Variants in LRMDA observed in about 807,000 individuals in gnomAD.
LRMDA encodes the protein leucine-rich melanocyte differentiation-associated protein.
In LRMDA, 18 loss-of-function variants were observed where a neutral mutation model predicts 29.8. That is an observed-to-expected ratio of 0.60 (90% CI 0.42 to 0.90). The LOEUF is 0.90. LRMDA is among the 40% of genes least tolerant of loss of function. The probability of loss-of-function intolerance (pLI) is 0.00; values close to 1 mark genes in which losing one functional copy is unlikely to be tolerated. For missense variants in LRMDA, 273 were observed against 273.9 expected (o/e 1.00, Z 0.02); for synonymous variants, 125 against 109.4 (o/e 1.14, Z -0.89).
chr10:75,434,994 C>A (rs1844248180), intron 1 of LRMDA, among the ~76,000 whole-genome samples: 1 of 152,202 alleles, frequency 6.6e-6, no homozygotes, highest in African/African-American at 2.4e-5. Context: ...CTCTCCTTTC[C>A]CTTTCTAGTT....
chr10:75,998,393 G>A (rs1320405212), intron 2 of LRMDA, among the ~76,000 whole-genome samples: 1 of 152,064 alleles, frequency 6.6e-6, no homozygotes, highest in Non-Finnish European at 1.5e-5. Flanking sequence ...TGGCCTCTGG[G>A]TACCTCTATC....
At chr10:76,371,177 T>A (rs1368014955) in intron 6 of LRMDA, among the ~76,000 whole-genome samples, 2 of 152,178 alleles carry the variant, frequency 1.3e-5, no homozygotes, top group Non-Finnish European at 2.9e-5. Flanking sequence ...TCCTTAGTTT[T>A]TTCCTTTGTC....
chr10:76,093,121 T>G (rs1849257009), intron 5 of LRMDA, among the ~76,000 whole-genome samples: 1 of 152,128 alleles, frequency 6.6e-6, no homozygotes, highest in Non-Finnish European at 1.5e-5. Flanking sequence ...CACTGCAACC[T>G]CTGCCTCCCA....
At chr10:76,168,166 C>A (rs1850774434) in intron 5 of LRMDA, among the ~76,000 whole-genome samples, 2 of 152,180 alleles carry the variant, frequency 1.3e-5, no homozygotes, top group African/African-American at 4.8e-5. Context: ...TGTCTCTCTC[C>A]TCTTCCATAG....
At chr10:75,583,077 A>C (rs996061200) in intron 2 of LRMDA, among the ~76,000 whole-genome samples, 1 of 152,242 alleles carries the variant, frequency 6.6e-6, no homozygotes, top group Non-Finnish European at 1.5e-5. Flanking sequence ...ACAACAATTT[A>C]ACAAGTCTTT....
intron 2 of LRMDA, among the ~76,000 whole-genome samples, chr10:75,673,876 T>C (rs548006821): frequency 6.6e-6 from 1 of 152,358 alleles, no homozygotes; most frequent in Non-Finnish European, 1.5e-5. Flanking sequence ...TTGTATTGTG[T>C]TCCCATTTAT....
chr10:75,843,292 C>T (rs1381416657), intron 2 of LRMDA, among the ~76,000 whole-genome samples: 1 of 152,190 alleles, frequency 6.6e-6, no homozygotes, highest in Non-Finnish European at 1.5e-5. Flanking sequence ...ATACGGTTTC[C>T]TGAAATGAGG....
At chr10:76,091,674 C>T (rs1395910036) in intron 5 of LRMDA, among the ~76,000 whole-genome samples, 1 of 151,972 alleles carries the variant, frequency 6.6e-6, no homozygotes, top group Non-Finnish European at 1.5e-5. Context: ...CCACCAACTC[C>T]CTTCATCCCC....
intron 6 of LRMDA, among the ~76,000 whole-genome samples, chr10:76,345,213 C>T (rs1396049804): frequency 1.3e-5 from 2 of 149,746 alleles, no homozygotes; most frequent in African/African-American, 4.9e-5. Context: ...ACTACAGGCG[C>T]CCGCTACCAC....
At chr10:75,880,787 C>A (rs571739291) in intron 2 of LRMDA, among the ~76,000 whole-genome samples, 1 of 152,320 alleles carries the variant, frequency 6.6e-6, no homozygotes, top group East Asian at 1.9e-4. Context: ...GTTCTTCCTG[C>A]AAGCCAAGAG....
intron 2 of LRMDA, among the ~76,000 whole-genome samples, chr10:76,008,031 G>A (rs1022661467): frequency 1.3e-5 from 2 of 152,118 alleles, no homozygotes; most frequent in African/African-American, 4.8e-5. Context: ...TCAATTTTAA[G>A]CAAGTGGCAG....
chr10:75,640,893 C>A (rs932994732), intron 2 of LRMDA, among the ~76,000 whole-genome samples: 5 of 152,306 alleles, frequency 3.3e-5, no homozygotes, highest in Admixed American at 3.3e-4. Context: ...GGGGCCTGGG[C>A]CACTTGCATT....
At chr10:75,978,039 C>T (rs1266926379) in intron 2 of LRMDA, among the ~76,000 whole-genome samples, 1 of 152,108 alleles carries the variant, frequency 6.6e-6, no homozygotes, top group African/African-American at 2.4e-5. Flanking sequence ...GCTGATTGTC[C>T]CAGGGCTATT....
chr10:75,740,505 C>G (rs745422044), intron 2 of LRMDA, among the ~76,000 whole-genome samples: 22 of 152,244 alleles, frequency 1.4e-4, no homozygotes, highest in Non-Finnish European at 2.9e-4. Context: ...TACCCAGGGC[C>G]CCTCTGTGAC....
intron 2 of LRMDA, among the ~76,000 whole-genome samples, chr10:75,792,647 T>C (rs549058727): frequency 6.6e-6 from 1 of 152,296 alleles, no homozygotes; most frequent in East Asian, 1.9e-4. Flanking sequence ...GCAGGGTGAT[T>C]TAAGAGTATG....
chr10:76,559,769 G>T lies in LRMDA; in HGVS notation c.*2481G>T, dbSNP rs1432686217. On this transcript the variant is annotated 3_prime_UTR_variant, in exon 7 of 7. Coordinates refer to ENST00000611255, the MANE Select transcript of LRMDA (RefSeq NM_001305581.2). The stretch of plus-strand genomic sequence containing the variant: ...TTTCTTCCTTTTATCCTATTCCACT[G>T]AGCTTGTTCTTTGGGGATTGTGGTG... 6.6e-6 allele frequency: 1 copy of T among 152,192 alleles called. No individual in the cohort carries two copies. The highest frequency in any genetic ancestry group is 1.5e-5 in the Non-Finnish European group (1 of 68,052). The allele number at this position is 152,192 out of a possible 1,614,324, so 9.4% of individuals were successfully genotyped here. A position where few individuals can be genotyped will look rare whatever the true frequency, so the allele number is the denominator to read the frequency against.
intron 2 of LRMDA, among the ~76,000 whole-genome samples, chr10:75,613,202 T>TC (rs1841055408): frequency 6.6e-6 from 1 of 151,950 alleles, no homozygotes; most frequent in South Asian, 2.1e-4. Flanking sequence ...TCTTCCACAA[T>TC]CCCCCCCACT....
At chr10:75,788,582 A>G (rs149547780) in intron 2 of LRMDA, among the ~76,000 whole-genome samples, 1 of 152,342 alleles carries the variant, frequency 6.6e-6, no homozygotes, top group African/African-American at 2.4e-5. Flanking sequence ...CATTTGCCAG[A>G]GTTTTTGCAA....
chr10:76,118,461 CA>C, intron 5 of LRMDA, among the ~76,000 whole-genome samples: 1 of 152,232 alleles, frequency 6.6e-6, no homozygotes, highest in African/African-American at 2.4e-5. Context: ...TGAAGAACAG[CA>C]AATGTTCTGG....
Sources: gnomAD v4.1 joint callset for allele counts (sites outside exome capture counted in the v4.1 genomes callset) on GRCh38, gnomAD v4.1.1 for gene constraint, MANE v1.5 for transcripts, NCBI Gene and HGNC (gene_info 2026-07-23, HGNC 2026-07-21) for gene names.